The following UGT1A6 variants were observed in gnomAD, a reference collection of about 807,000 sequenced individuals.
The protein encoded by UGT1A6 is UDP-glucuronosyltransferase 1A6.
In UGT1A6, 32 loss-of-function variants were observed where a neutral mutation model predicts 44.4. The ratio of observed to expected loss-of-function variants is 0.72; its 90% confidence interval spans 0.54 to 0.97. The LOEUF (loss-of-function observed/expected upper bound fraction) is 0.97, where lower values mean the gene tolerates loss of function less well. Among genes scored for constraint, UGT1A6 ranks in the 50% least tolerant of loss-of-function variants. UGT1A6 has a pLI of 0.00. For missense variants in UGT1A6, 685 were observed against 661.9 expected, an observed-to-expected ratio of 1.03 and a Z score of -0.38; for synonymous variants, 238 against 248.5, an observed-to-expected ratio of 0.96 and a Z score of 0.40.
chr2:233,767,294 T>C, intron 2 of UGT1A6, 129 bp downstream of exon 2: 2 of 1,552,282 alleles, frequency 1.3e-6, no homozygotes, highest in Non-Finnish European at 1.7e-6. Context: ...TTCCCAACTA[T>C]TAATCCAAAG....
chr2:233,708,034 TAG>T (rs150546189), intron 1 of UGT1A6, among the ~76,000 whole-genome samples: 4,103 of 152,336 alleles, frequency 0.027, 87 homozygotes, highest in African/African-American at 0.046. Context: ...TTGGCAGTTA[TAG>T]ATATTGCAAA....
chr2:233,767,839 C>T lies in UGT1A6; in HGVS notation c.994-10C>T. 6.2e-7 allele frequency: 1 copy of T among 1,614,144 alleles called. No homozygotes were observed. Among genetic ancestry groups the T allele is most frequent in the South Asian group, 1.1e-5 (1 of 91,080 alleles). ...CTTTCTTTACGTTCTGCTCTTTTTG[C>T]CCCTCCCAGGTCCTGTGGCGGTACA... On this transcript the variant is annotated splice_polypyrimidine_tract_variant and intron_variant, in intron 2 of 4. Transcript: ENST00000305139.
At chr2:233,719,039 A>T in intron 1 of UGT1A6, 2 of 1,614,110 alleles carry the variant, frequency 1.2e-6, no homozygotes, top group Non-Finnish European at 1.7e-6. Context: ...AAGAAGAGAA[A>T]TTTTTCACCC....
chr2:233,757,994 T>C (rs1233482965), intron 1 of UGT1A6, among the ~76,000 whole-genome samples: 1 of 152,092 alleles, frequency 6.6e-6, no homozygotes, highest in Non-Finnish European at 1.5e-5. Context: ...TCCCCTGTAA[T>C]TGCCTGGTCA....
In UGT1A6 at chr2:233,763,074, C is replaced by T. The variant is rs112277298; in HGVS notation, c.862-3960C>T. On this transcript the variant is annotated intron_variant, in intron 1 of 4. Coordinates refer to ENST00000305139, the MANE Select transcript of UGT1A6 (RefSeq NM_001072.4). ...TTGATTTAGATAATTTCCTTCTTTGCGTGAGGATGTTTGTAGGAGAGGCAC... is the reference window on the plus strand; with the variant it reads ...TTGATTTAGATAATTTCCTTCTTTGTGTGAGGATGTTTGTAGGAGAGGCAC... Among the ~76,000 whole-genome samples, 590 of 152,258 alleles carry T rather than the reference C, an allele frequency of 3.9e-3. 2 individuals are homozygous for T. Among genetic ancestry groups the T allele is most frequent in the Admixed American group, 5.9e-3 (90 of 15,292 alleles).
At position 233,708,055 on chromosome 2, in the gene UGT1A6, C is replaced by G. The variant is rs77717552; in HGVS notation, c.861+14190C>G. On this transcript the variant is annotated intron_variant, in intron 1 of 4. Transcript: ENST00000305139. ...GTTATAGATATTGCAAATATCTTCC[C>G]CCACTCTGCATCTTGCTTTTTACTT... Among the ~76,000 whole-genome samples the G allele has an allele frequency of 8.8e-3, 1,337 of 152,226 alleles. 30 individuals carry two copies. Among genetic ancestry groups the G allele is most frequent in the African/African-American group, 0.03 (1,248 of 41,548 alleles).
intron 1 of UGT1A6, among the ~76,000 whole-genome samples, chr2:233,739,485 C>T (rs535486258): frequency 1.8e-4 from 27 of 152,374 alleles, no homozygotes; most frequent in African/African-American, 6.3e-4. Context: ...GAGCCCATTT[C>T]TGGCATCACC....
At chr2:233,724,321 C>A (rs1437047103) in intron 1 of UGT1A6, among the ~76,000 whole-genome samples, 7 of 146,642 alleles carry the variant, frequency 4.8e-5, no homozygotes, top group East Asian at 4.5e-4. Context: ...GACGGGGCGG[C>A]TGGCCAGGCG....
upstream of UGT1A6, among the ~76,000 whole-genome samples, chr2:233,692,683 T>C (rs982840402): frequency 1.3e-5 from 2 of 151,996 alleles, no homozygotes; most frequent in Non-Finnish European, 1.5e-5. Flanking sequence ...TGGCAGGGGG[T>C]CCTCAGGGGT....
chr2:233,704,756 A>G (rs1028041408), intron 1 of UGT1A6, among the ~76,000 whole-genome samples: 2 of 152,104 alleles, frequency 1.3e-5, no homozygotes, highest in Non-Finnish European at 2.9e-5. Flanking sequence ...TTATTGTCAA[A>G]TATATTACGC....
At chr2:233,738,563 C>T (rs899585698) in intron 1 of UGT1A6, among the ~76,000 whole-genome samples, 1 of 152,184 alleles carries the variant, frequency 6.6e-6, no homozygotes, top group African/African-American at 2.4e-5. Context: ...GATGAGGAAT[C>T]TGTTGAGAAC....
intron 1 of UGT1A6, chr2:233,743,968 T>G: frequency 7.5e-7 from 1 of 1,327,238 alleles, no homozygotes; most frequent in Non-Finnish European, 1.0e-6. Flanking sequence ...GCGGCAAGGC[T>G]GCCAGCACCC....
At chr2:233,726,774 A>G (rs1289365787) in intron 1 of UGT1A6, among the ~76,000 whole-genome samples, 2 of 152,220 alleles carry the variant, frequency 1.3e-5, no homozygotes, top group African/African-American at 4.8e-5. Flanking sequence ...CTAAGCTTAA[A>G]GTGAAACCCA....
intron 1 of UGT1A6, among the ~76,000 whole-genome samples, chr2:233,750,222 G>A (rs1326774834): frequency 6.6e-6 from 1 of 151,918 alleles, no homozygotes; most frequent in Non-Finnish European, 1.5e-5. Flanking sequence ...AGATGGAGAT[G>A]AGGAACTTAT....
chr2:233,701,016 A>G (rs1263282230), intron 1 of UGT1A6, among the ~76,000 whole-genome samples: 1 of 152,140 alleles, frequency 6.6e-6, no homozygotes, highest in Non-Finnish European at 1.5e-5. Context: ...GATGGTTTCC[A>G]GTTTCATCCA....
chr2:233,747,369 G>C lies in UGT1A6; in HGVS notation c.862-19665G>C, dbSNP rs1248922678. On this transcript the variant is annotated intron_variant, in intron 1 of 4. Coordinates refer to ENST00000305139, the MANE Select transcript of UGT1A6 (RefSeq NM_001072.4). ...GCGGGAGGCCGTGCGGGAGCTCCAT[G>C]CCAGAGGCCACCAGGCGGTGGTCCT... 94 of 1,604,318 alleles carry C rather than the reference G, an allele frequency of 5.9e-5. 1 individual carries two copies. Among genetic ancestry groups the C allele is most frequent in the South Asian group, 2.1e-4 (19 of 90,452 alleles).
Position 233,769,836 on chromosome 2 carries a change from C to T in UGT1A6, c.1301+1397C>T. ...TGCCACTGCACTCCAGCAACCTGGGCAACAGAGTGAGACCCTGTCTCAAAA... is the reference window on the plus strand; with the variant it reads ...TGCCACTGCACTCCAGCAACCTGGGTAACAGAGTGAGACCCTGTCTCAAAA... On this transcript the variant is annotated intron_variant, in intron 4 of 4. Coordinates refer to ENST00000305139, the MANE Select transcript of UGT1A6 (RefSeq NM_001072.4). This position sits in a 1 kb window ranked among gnomAD's most constrained non-coding sequence, Gnocchi z 4.4. 7.4e-6 allele frequency: 4 copies of T among 538,192 alleles called. No individual in the cohort carries two copies. The highest frequency in any genetic ancestry group is 1.1e-5 in the Non-Finnish European group (4 of 353,822). 33.3% of individuals were successfully genotyped at this position (538,192 alleles called of 1,614,324 possible).
At chr2:233,729,404 T>C (rs2077851412) in intron 1 of UGT1A6, 1 of 1,613,884 alleles carries the variant, frequency 6.2e-7, no homozygotes, top group East Asian at 2.2e-5. Flanking sequence ...GATCGCCATG[T>C]GCTGGGCCAC....
At chr2:233,708,090 C>T (rs192949963) in intron 1 of UGT1A6, among the ~76,000 whole-genome samples, 95 of 152,258 alleles carry the variant, frequency 6.2e-4, no homozygotes, top group Middle Eastern at 3.4e-3. Flanking sequence ...TTTATTCAAA[C>T]GAATTAGAAT....
Sources: allele counts gnomAD v4.1 joint callset (sites outside exome capture counted in the v4.1 genomes callset), GRCh38; gene constraint gnomAD v4.1.1; non-coding constraint Gnocchi (gnomAD v3.1); transcripts MANE v1.5; gene names NCBI Gene and HGNC (gene_info 2026-07-23, HGNC 2026-07-21).